The following PCDHA12 variants were observed in gnomAD, a reference collection of about 807,000 sequenced individuals.
PCDHA12 encodes protocadherin alpha-12.
In PCDHA12, 44 loss-of-function variants were observed where a neutral mutation model predicts 60.0. The ratio of observed to expected loss-of-function variants is 0.73; its 90% confidence interval spans 0.58 to 0.94. The LOEUF (loss-of-function observed/expected upper bound fraction) is 0.94. Ranked by LOEUF, PCDHA12 falls within the 40% of genes least tolerant of loss-of-function variation. The pLI, the probability that PCDHA12 is intolerant of heterozygous loss-of-function variation, is 0.00. For synonymous variants in PCDHA12, 569 were observed against 553.0 expected, an observed-to-expected ratio of 1.03 and a Z score of -0.40; for missense variants, 1,276 against 1,239.7, an observed-to-expected ratio of 1.03 and a Z score of -0.44.
chr5:140,911,760 A>T (rs1295639313), intron 1 of PCDHA12, among the ~76,000 whole-genome samples: 1 of 151,962 alleles, frequency 6.6e-6, no homozygotes, highest in Non-Finnish European at 1.5e-5. Flanking sequence ...TCTCCATACT[A>T]TTAGAAGTAC....
At chr5:140,883,162 C>A (rs782797002) in intron 1 of PCDHA12, 8 of 1,613,690 alleles carry the variant, frequency 5.0e-6, no homozygotes, top group Non-Finnish European at 5.1e-6. Context: ...TAAATCCGAA[C>A]AATGGAGAAA....
intron 1 of PCDHA12, chr5:140,883,392 C>T (rs1554178015): frequency 1.9e-6 from 3 of 1,614,184 alleles, no homozygotes; most frequent in South Asian, 2.2e-5. Flanking sequence ...ATCAGTGTGT[C>T]CGATCGTGAC....
chr5:141,009,905 G>A lies in PCDHA12; in HGVS notation c.2794G>A (p.Gly932Arg), dbSNP rs781954349. The change falls in exon 4 of 4, where the codon GGG becomes AGG. Residue 932 changes from glycine (G) to arginine (R), a missense_variant. Physicochemically the swap from Gly to Arg is moderately radical, Grantham distance 125. Coordinates refer to ENST00000398631, the MANE Select transcript of PCDHA12 (RefSeq NM_018903.4). ...GNKTQEKKEK[G>R]NSTTDNSDQ Reference sequence around the variant, plus strand: ...CAAGACCCAGGAGAAAAAAGAGAAAGGGAACAGCACGACTGACAACAGTGA... The same window carrying A: ...CAAGACCCAGGAGAAAAAAGAGAAAAGGAACAGCACGACTGACAACAGTGA... 7.4e-6 allele frequency: 12 copies of A among 1,613,058 alleles called. No homozygotes were observed. Among genetic ancestry groups the A allele is most frequent in the Non-Finnish European group, 1.0e-5 (12 of 1,179,832 alleles).
At chr5:140,914,033 G>A (rs1192515722) in intron 1 of PCDHA12, among the ~76,000 whole-genome samples, 1 of 152,138 alleles carries the variant, frequency 6.6e-6, no homozygotes, top group Non-Finnish European at 1.5e-5. Context: ...GTGCTGAGAA[G>A]AATGTGTATT....
chr5:140,886,023 C>A (rs759768435), intron 1 of PCDHA12, among the ~76,000 whole-genome samples: 5 of 152,078 alleles, frequency 3.3e-5, no homozygotes, highest in Non-Finnish European at 7.4e-5. Flanking sequence ...GCTATGTATT[C>A]TTCACTAAGT....
intron 1 of PCDHA12, among the ~76,000 whole-genome samples, chr5:140,922,066 C>A (rs1438475640): frequency 2.0e-5 from 3 of 151,528 alleles, no homozygotes; most frequent in Non-Finnish European, 4.4e-5. Context: ...TGTAGCAATC[C>A]CACTAAGCAA....
At chr5:140,925,671 A>AATAATG (rs1554202870) in intron 1 of PCDHA12, among the ~76,000 whole-genome samples, 40 of 148,180 alleles carry the variant, frequency 2.7e-4, no homozygotes, top group African/African-American at 9.5e-4. Flanking sequence ...TAATAATAAT[A>AATAATG]ATAATAAAGC....
intron 1 of PCDHA12, chr5:140,968,053 A>C: frequency 6.2e-7 from 1 of 1,614,154 alleles, no homozygotes; most frequent in Non-Finnish European, 8.5e-7. Flanking sequence ...CACTGGACCG[A>C]GAGCGGGTGG....
chr5:140,995,466 T>A (rs1325738929), intron 3 of PCDHA12, among the ~76,000 whole-genome samples: 1 of 152,196 alleles, frequency 6.6e-6, no homozygotes, highest in Non-Finnish European at 1.5e-5. Flanking sequence ...ATTTTTGAAA[T>A]TTTTCATTTA....
At position 141,009,957 on chromosome 5, in the gene PCDHA12, G is replaced by A; in HGVS notation, c.*20G>A. The stretch of plus-strand genomic sequence containing the variant: ...CAGTGAGGTCCTCAAATGGAAACAA[G>A]CCACTTAGCCAGTTTTTGTAATAAT... On this transcript the variant is annotated 3_prime_UTR_variant, in exon 4 of 4. Transcript: ENST00000398631. 1 of 1,589,160 alleles carries A rather than the reference G, an allele frequency of 6.3e-7. No individual in the cohort carries two copies. Among genetic ancestry groups the A allele is most frequent in the Non-Finnish European group, 8.5e-7 (1 of 1,171,102 alleles).
chr5:140,880,327 T>C (rs2058305796), intron 1 of PCDHA12, among the ~76,000 whole-genome samples: 1 of 152,118 alleles, frequency 6.6e-6, no homozygotes, highest in African/African-American at 2.4e-5. Context: ...AATAAGATAC[T>C]AAAAATAAGA....
chr5:140,892,351 G>T (rs1554185157), intron 1 of PCDHA12, among the ~76,000 whole-genome samples: 1 of 152,112 alleles, frequency 6.6e-6, no homozygotes, highest in Non-Finnish European at 1.5e-5. Context: ...ATTGACTTTT[G>T]CCAGGCATCT....
intron 1 of PCDHA12, among the ~76,000 whole-genome samples, chr5:140,879,496 C>T (rs186624809): frequency 6.6e-6 from 1 of 152,204 alleles, no homozygotes; most frequent in Admixed American, 6.5e-5. Context: ...GGGTCTGGAT[C>T]TCAGAAGAGA....
chr5:140,921,940 C>T (rs114983283), intron 1 of PCDHA12, among the ~76,000 whole-genome samples: 6,108 of 151,846 alleles, frequency 0.04, 136 homozygotes, highest in Non-Finnish European at 0.052. Context: ...TATAATTTTA[C>T]ACTTGTAAAA....
chr5:140,967,682 C>G, intron 1 of PCDHA12: 2 of 1,614,176 alleles, frequency 1.2e-6, no homozygotes, highest in South Asian at 2.2e-5. Context: ...CCGGGAGAGG[C>G]AGCTCTTCAG....
chr5:141,010,506 C>A lies in PCDHA12; in HGVS notation c.*569C>A. ...CTTAAAGGGACCAGACTTTCTAAAT[C>A]TTACAACTCAAGAGGTGGCAGCCAC... is the stretch of plus-strand genomic sequence containing the variant. On this transcript the variant is annotated 3_prime_UTR_variant, in exon 4 of 4. Transcript: ENST00000398631. 1 of 549,534 alleles carries A rather than the reference C, an allele frequency of 1.8e-6. No homozygotes were observed. The highest frequency in any genetic ancestry group is 2.9e-6 in the Non-Finnish European group (1 of 344,162). 34.0% of individuals were successfully genotyped at this position (549,534 alleles called of 1,614,324 possible). A position where few individuals can be genotyped will look rare whatever the true frequency, so the allele number is the denominator to read the frequency against.
chr5:141,009,011 T>C (rs1461112133), intron 3 of PCDHA12, among the ~76,000 whole-genome samples: 1 of 152,256 alleles, frequency 6.6e-6, no homozygotes, highest in East Asian at 1.9e-4. Context: ...ATATTTTGCC[T>C]TTAGGCTCTG....
chr5:140,982,267 A>T, intron 2 of PCDHA12: 4 of 883,458 alleles, frequency 4.5e-6, no homozygotes, highest in Non-Finnish European at 6.5e-6. Context: ...GTGTTCCTGG[A>T]ATAGTATAGC....
chr5:140,989,842 G>A (rs1411244835), intron 3 of PCDHA12, among the ~76,000 whole-genome samples: 1 of 152,178 alleles, frequency 6.6e-6, no homozygotes, highest in Non-Finnish European at 1.5e-5. Context: ...GTCAATGAGT[G>A]TGTGGACTGG....
Sources: allele counts gnomAD v4.1 joint callset (sites outside exome capture counted in the v4.1 genomes callset), GRCh38; gene constraint gnomAD v4.1.1; transcripts MANE v1.5; gene names NCBI Gene and HGNC (gene_info 2026-07-23, HGNC 2026-07-21).